The following CCDC138 variants were observed in gnomAD, a reference collection of about 807,000 sequenced individuals.
The protein encoded by CCDC138 is coiled-coil domain-containing protein 138.
In CCDC138, 66 loss-of-function variants were observed where a neutral mutation model predicts 82.3. The ratio of observed to expected loss-of-function variants is 0.80; its 90% CI spans 0.66 to 0.98. The LOEUF (loss-of-function observed/expected upper bound fraction) is 0.98. CCDC138 is among the 50% of genes least tolerant of loss of function. The pLI is 0.00. For synonymous variants in CCDC138, 297 were observed against 265.4 expected (o/e 1.12, Z -1.16); for missense variants, 816 against 758.9 (o/e 1.08, Z -0.88).
In CCDC138 at chr2:108,804,970, G is replaced by T; in HGVS notation, c.817G>T (p.Asp273Tyr). The T allele has an allele frequency of 1.3e-6, 2 of 1,569,570 alleles. No individual in the cohort carries two copies. Among genetic ancestry groups the T allele is most frequent in the South Asian group, 1.2e-5 (1 of 82,460 alleles). Residue 273 changes from aspartate (D) to tyrosine (Y), a missense_variant, in exon 7 of 15, where the codon GAT (aspartate) becomes TAT (tyrosine). By Grantham distance (160) the Asp-to-Tyr change is radical. Transcript: ENST00000295124. Reference sequence around the variant, plus strand: ...AACCAAGAGACTGAGGTCCTCTTTTGATGCATTGAAAGAATTGAATGATAC... The same window carrying T: ...AACCAAGAGACTGAGGTCCTCTTTTTATGCATTGAAAGAATTGAATGATAC... ...KETKRLRSSF[D>Y]ALKELNDTLK...
chr2:108,874,575 G>C (rs1313343790), intron 14 of CCDC138, among the ~76,000 whole-genome samples: 1 of 152,042 alleles, frequency 6.6e-6, no homozygotes, highest in Non-Finnish European at 1.5e-5. Flanking sequence ...TGATTCCCGT[G>C]GTAGAGAATT....
At chr2:108,873,631 C>T (rs984229489) in intron 14 of CCDC138, 42 bp downstream of exon 14, 16 of 1,406,652 alleles carry the variant, frequency 1.1e-5, no homozygotes, top group Non-Finnish European at 1.4e-5. Context: ...TGAAAAATAC[C>T]TTACTGTGAT....
At chr2:108,821,098 C>G (rs527821032) in intron 10 of CCDC138, among the ~76,000 whole-genome samples, 1 of 152,310 alleles carries the variant, frequency 6.6e-6, no homozygotes, top group Admixed American at 6.5e-5. Flanking sequence ...TGGCTCACGC[C>G]TGTAATCCTA....
At position 108,798,529 on chromosome 2, in the gene CCDC138, G is replaced by C. The variant is rs749245039; in HGVS notation, c.678G>C (p.Leu226Phe). 1.2e-6 allele frequency: 2 copies of C among 1,613,860 alleles called. No individual in the cohort carries two copies. Among genetic ancestry groups the C allele is most frequent in the East Asian group, 2.2e-5 (1 of 44,854 alleles). Reference protein sequence around the residue: ...EQLLFRHENALSKIKGVEEEV... With the variant: ...EQLLFRHENAFSKIKGVEEEV... Reference sequence around the variant, plus strand: ...TGCTTTTCAGACATGAAAATGCCTTGAGTAAAATTAAAGGTGTTGAAGAAG... The same window carrying C: ...TGCTTTTCAGACATGAAAATGCCTTCAGTAAAATTAAAGGTGTTGAAGAAG... Residue 226 changes from leucine to phenylalanine, a missense_variant, in exon 6 of 15, where the codon TTG becomes TTC. Leu to Phe is a conservative substitution (Grantham distance 22). Coordinates refer to ENST00000295124, the MANE Select transcript of CCDC138 (RefSeq NM_144978.3).
chr2:108,852,261 C>T (rs903552233), intron 12 of CCDC138, among the ~76,000 whole-genome samples: 1 of 152,184 alleles, frequency 6.6e-6, no homozygotes, highest in Non-Finnish European at 1.5e-5. Context: ...TAAGATACAA[C>T]TCTTCTTTAT....
chr2:108,792,257 A>G (rs1321137200), intron 4 of CCDC138, among the ~76,000 whole-genome samples: 2 of 152,144 alleles, frequency 1.3e-5, no homozygotes, highest in Non-Finnish European at 2.9e-5. Context: ...CCTGTTGATA[A>G]TACTGGTGCT....
chr2:108,884,154 C>T (rs115726538), intron 2 of CCDC138: 4,430 of 152,658 alleles, frequency 0.029, 192 homozygotes, highest in African/African-American at 0.1. Context: ...CCTTCTGCCT[C>T]GGCTTCCTAA....
At chr2:108,818,989 A>G (rs1446088654) in intron 10 of CCDC138, among the ~76,000 whole-genome samples, 1 of 152,228 alleles carries the variant, frequency 6.6e-6, no homozygotes, top group Non-Finnish European at 1.5e-5. Context: ...TATCAAAGAA[A>G]TTGAGATACA....
At chr2:108,813,146 G>A (rs1289338729) in intron 9 of CCDC138, among the ~76,000 whole-genome samples, 1 of 148,712 alleles carries the variant, frequency 6.7e-6, no homozygotes, top group Non-Finnish European at 1.5e-5. Context: ...CTACTCGAGA[G>A]GCTGAGGCAG....
chr2:108,833,894 ATT>A (rs749488565), intron 10 of CCDC138, among the ~76,000 whole-genome samples: 2 of 79,220 alleles, frequency 2.5e-5, no homozygotes, highest in African/African-American at 5.0e-5. Context: ...CGCCCGGCTA[ATT>A]TTTTTTTTTT....
chr2:108,881,715 G>A (rs1696296288), intron 1 of CCDC138, among the ~76,000 whole-genome samples: 1 of 152,200 alleles, frequency 6.6e-6, no homozygotes, highest in African/African-American at 2.4e-5. Flanking sequence ...AGGAAATGAA[G>A]AGAGATCCAA....
At chr2:108,872,842 C>T (rs986429706) in intron 13 of CCDC138, among the ~76,000 whole-genome samples, 1 of 152,156 alleles carries the variant, frequency 6.6e-6, no homozygotes, top group African/African-American at 2.4e-5. Flanking sequence ...CATCTCATGT[C>T]CTCATAAACA....
intron 10 of CCDC138, among the ~76,000 whole-genome samples, chr2:108,824,930 G>A (rs1029646684): frequency 1.1e-4 from 17 of 152,156 alleles, no homozygotes; most frequent in Admixed American, 3.3e-4. Context: ...TATGCAGTGC[G>A]TGACTGTGTA....
At chr2:108,846,472 A>C (rs930966793) in intron 11 of CCDC138, among the ~76,000 whole-genome samples, 47 of 151,762 alleles carry the variant, frequency 3.1e-4, no homozygotes, top group Admixed American at 7.9e-4. Context: ...TGAGCCCAAG[A>C]GTTCGAGACC....
chr2:108,806,834 C>G (rs1487542657), intron 7 of CCDC138, among the ~76,000 whole-genome samples: 1 of 152,176 alleles, frequency 6.6e-6, no homozygotes, highest in Non-Finnish European at 1.5e-5. Flanking sequence ...CTCATTAAGT[C>G]TAGCCAAGCT....
At chr2:108,788,248 G>A (rs1016994065) in intron 2 of CCDC138, among the ~76,000 whole-genome samples, 159 bp downstream of exon 2, 2 of 151,204 alleles carry the variant, frequency 1.3e-5, no homozygotes, top group Non-Finnish European at 2.9e-5. Context: ...GTGAAATCCC[G>A]TCTCTACTAA....
intron 13 of CCDC138, among the ~76,000 whole-genome samples, chr2:108,865,742 C>T (rs1215089620): frequency 2.0e-5 from 3 of 152,154 alleles, no homozygotes. Flanking sequence ...ACACACGGTA[C>T]TCCCCTATCC....
chr2:108,815,470 T>TG (rs1210631815), intron 9 of CCDC138, among the ~76,000 whole-genome samples: 20 of 137,438 alleles, frequency 1.5e-4, no homozygotes, highest in African/African-American at 5.1e-4. Context: ...TGTTTTTTTT[T>TG]TTTTTTTTTT....
intron 12 of CCDC138, among the ~76,000 whole-genome samples, chr2:108,852,459 C>T (rs1691669249): frequency 6.6e-6 from 1 of 152,200 alleles, no homozygotes; most frequent in African/African-American, 2.4e-5. Flanking sequence ...GTGTTGTGTT[C>T]ATTGCAGCAC....
Sources: allele counts gnomAD v4.1 joint callset (sites outside exome capture counted in the v4.1 genomes callset), GRCh38; gene constraint gnomAD v4.1.1; transcripts MANE v1.5; gene names NCBI Gene and HGNC (gene_info 2026-07-23, HGNC 2026-07-21).